ZNF385D: variants seen among roughly 807,000 people sequenced by gnomAD.
ZNF385D encodes zinc finger protein 659.
Under a neutral mutation model 35.8 loss-of-function variants are expected in ZNF385D, and 15 were observed. The ratio of observed to expected loss-of-function variants is 0.42; its 90% CI spans 0.28 to 0.64. The LOEUF is 0.64. Ranked by LOEUF, ZNF385D falls within the 30% of genes least tolerant of loss-of-function variation. The probability of loss-of-function intolerance (pLI) is 0.23; values close to 1 mark genes in which losing one functional copy is unlikely to be tolerated. For synonymous variants in ZNF385D, 212 were observed against 186.8 expected, an observed-to-expected ratio of 1.13 and a Z score of -1.10; for missense variants, 474 against 494.6, an observed-to-expected ratio of 0.96 and a Z score of 0.39.
chr3:21,611,844 G>C (rs2125790836), intron 2 of ZNF385D, among the ~76,000 whole-genome samples: 1 of 152,028 alleles, frequency 6.6e-6, no homozygotes, highest in East Asian at 1.9e-4. Flanking sequence ...CCTGAGACCT[G>C]AGCACCTTGA....
chr3:21,659,142 T>C (rs976955670), intron 2 of ZNF385D, among the ~76,000 whole-genome samples: 1 of 152,102 alleles, frequency 6.6e-6, no homozygotes, highest in Non-Finnish European at 1.5e-5. Context: ...TGTCTACTAT[T>C]GTCAGACACA....
At chr3:22,133,452 G>A (rs1300757759) in intron 3 of ZNF385D, 2 of 149,704 alleles carry the variant, frequency 1.3e-5, no homozygotes, top group Non-Finnish European at 2.9e-5. Flanking sequence ...TTATATAACA[G>A]ACATATCAAA....
At chr3:21,811,370 T>A (rs1429182675) in intron 3 of ZNF385D, among the ~76,000 whole-genome samples, 1 of 152,046 alleles carries the variant, frequency 6.6e-6, no homozygotes, top group Non-Finnish European at 1.5e-5. Flanking sequence ...GAGACCAGAA[T>A]ATAGGAAGCA....
chr3:22,068,307 G>T (rs1303574782), intron 3 of ZNF385D, among the ~76,000 whole-genome samples: 1 of 151,684 alleles, frequency 6.6e-6, no homozygotes, highest in Non-Finnish European at 1.5e-5. Context: ...TTGATACTTT[G>T]CATCAGTTTT....
chr3:21,763,907 G>A (rs764124448), intron 3 of ZNF385D, among the ~76,000 whole-genome samples: 2 of 152,128 alleles, frequency 1.3e-5, no homozygotes, highest in East Asian at 1.9e-4. Flanking sequence ...ACATCCATTT[G>A]TCAAGAACTG....
At chr3:21,842,512 G>A (rs112768742) in intron 3 of ZNF385D, among the ~76,000 whole-genome samples, 1,552 of 152,054 alleles carry the variant, frequency 0.01, 18 homozygotes, top group Middle Eastern at 0.058. Context: ...CCATTTGGTC[G>A]ACACAGGCTC....
At chr3:21,825,898 C>G (rs890581088) in intron 3 of ZNF385D, among the ~76,000 whole-genome samples, 1 of 152,178 alleles carries the variant, frequency 6.6e-6, no homozygotes, top group Non-Finnish European at 1.5e-5. Context: ...CCGCTCCTTT[C>G]CCACCAGCGG....
At chr3:21,691,331 A>T (rs926138919) in intron 1 of ZNF385D, among the ~76,000 whole-genome samples, 4 of 151,952 alleles carry the variant, frequency 2.6e-5, no homozygotes, top group African/African-American at 9.7e-5. Flanking sequence ...CAATTTTTTT[A>T]TTCTTCCCCA....
At chr3:21,979,211 G>A (rs1372666723) in intron 3 of ZNF385D, among the ~76,000 whole-genome samples, 3 of 150,052 alleles carry the variant, frequency 2.0e-5, no homozygotes, top group Non-Finnish European at 4.4e-5. Flanking sequence ...GGGGGACCAT[G>A]GGGTATTTTG....
chr3:21,917,490 G>A (rs1470508711), intron 3 of ZNF385D, among the ~76,000 whole-genome samples: 1 of 152,178 alleles, frequency 6.6e-6, no homozygotes. Context: ...TTCTGATAAA[G>A]ATGAAGGACT....
chr3:22,133,034 GACT>G (rs1266837735), intron 3 of ZNF385D, among the ~76,000 whole-genome samples: 1 of 151,990 alleles, frequency 6.6e-6, no homozygotes, highest in Non-Finnish European at 1.5e-5. Context: ...TTTCCCCAAG[GACT>G]AAAATTATAG....
chr3:22,059,777 T>C (rs1699598763), intron 3 of ZNF385D, among the ~76,000 whole-genome samples: 1 of 152,164 alleles, frequency 6.6e-6, no homozygotes, highest in African/African-American at 2.4e-5. Flanking sequence ...GAGGGTTAAT[T>C]TTCTGTGTTG....
chr3:21,981,088 T>C (rs1369194584), intron 3 of ZNF385D, among the ~76,000 whole-genome samples: 1 of 152,142 alleles, frequency 6.6e-6, no homozygotes, highest in African/African-American at 2.4e-5. Flanking sequence ...TACATAATAA[T>C]AGGACTGCTG....
intron 3 of ZNF385D, among the ~76,000 whole-genome samples, chr3:22,022,070 G>C (rs1012193417): frequency 6.6e-6 from 1 of 152,070 alleles, no homozygotes; most frequent in Non-Finnish European, 1.5e-5. Flanking sequence ...TTGAGTGTGA[G>C]TAAAATTGTA....
At chr3:22,139,094 T>C (rs949729606) in intron 3 of ZNF385D, among the ~76,000 whole-genome samples, 1 of 113,610 alleles carries the variant, frequency 8.8e-6, no homozygotes, top group Non-Finnish European at 2.0e-5. Context: ...AGAATGGCCA[T>C]CATTAAAAAG....
intron 3 of ZNF385D, among the ~76,000 whole-genome samples, chr3:22,069,749 G>A (rs1198121477): frequency 6.6e-6 from 1 of 152,110 alleles, no homozygotes; most frequent in Non-Finnish European, 1.5e-5. Context: ...GCACATCAGT[G>A]ATAAGTCAAC....
chr3:22,359,535 C>A (rs1696318469), intron 2 of ZNF385D, among the ~76,000 whole-genome samples: 1 of 151,770 alleles, frequency 6.6e-6, no homozygotes, highest in Non-Finnish European at 1.5e-5. Context: ...TTAGGTTCCC[C>A]ATATTTAGTA....
At chr3:21,842,416 C>G (rs1275048471) in intron 3 of ZNF385D, among the ~76,000 whole-genome samples, 2 of 151,984 alleles carry the variant, frequency 1.3e-5, no homozygotes, top group Non-Finnish European at 2.9e-5. Context: ...TGAATTTCCC[C>G]TACCTTGAAT....
intron 3 of ZNF385D, among the ~76,000 whole-genome samples, chr3:21,825,906 C>G (rs536077113): frequency 1.9e-4 from 29 of 152,272 alleles, no homozygotes; most frequent in South Asian, 6.2e-4. Flanking sequence ...TTCCCACCAG[C>G]GGGGGCATTA....
Sources: gnomAD v4.1 joint callset for allele counts (sites outside exome capture counted in the v4.1 genomes callset) on GRCh38, gnomAD v4.1.1 for gene constraint, MANE v1.5 for transcripts, NCBI Gene and HGNC (gene_info 2026-07-23, HGNC 2026-07-21) for gene names.